The following SEC23B variants were observed in gnomAD, a reference collection of about 807,000 sequenced individuals.
The protein encoded by SEC23B is protein transport protein Sec23B.
A neutral mutation model predicts 104.3 loss-of-function variants in SEC23B; 77 were observed. The observed-to-expected ratio is 0.74, with a 90% CI of 0.61 to 0.89. The LOEUF (loss-of-function observed/expected upper bound fraction) is 0.89. Among genes scored for constraint, SEC23B ranks in the 40% least tolerant of loss-of-function variants. The probability of loss-of-function intolerance (pLI) is 0.00; values close to 1 mark genes in which losing one functional copy is unlikely to be tolerated. For synonymous variants in SEC23B, 338 were observed against 332.5 expected (o/e 1.02, Z -0.18); for missense variants, 885 against 949.4 (o/e 0.93, Z 0.89).
Position 18,527,399 on chromosome 20 carries a change from T to G in SEC23B, c.994-97T>G, listed in dbSNP as rs2060143246. 10 of 804,836 alleles carry G rather than the reference T, an allele frequency of 1.2e-5. No homozygotes were observed. The South Asian group carries it at 1.3e-4, about 11-fold the overall frequency. 49.9% of individuals were successfully genotyped at this position (804,836 alleles called of 1,614,324 possible). ...TCACAAAAAGAGAAAAGAAAATGAT[T>G]TACATGTTTTTATATTTGATTACCT... On this transcript the variant is annotated intron_variant, in intron 8 of 19. Coordinates refer to ENST00000650089, the MANE Select transcript of SEC23B (RefSeq NM_006363.6).
At chr20:18,513,520 A>G (rs181431327) in intron 3 of SEC23B, among the ~76,000 whole-genome samples, 40 of 152,352 alleles carry the variant, frequency 2.6e-4, no homozygotes, top group Admixed American at 2.2e-3. Context: ...TGTGTCCAGC[A>G]TAGTGTACAC....
intron 19 of SEC23B, among the ~76,000 whole-genome samples, chr20:18,559,283 C>T (rs2060470961): frequency 6.6e-6 from 1 of 152,124 alleles, no homozygotes; most frequent in Admixed American, 6.5e-5. Context: ...GGTGAAAGTC[C>T]TGACCCTCCT....
chr20:18,551,069 TTCTCTC>T lies in SEC23B; in HGVS notation c.1906-16_1906-11del. 2 of 1,547,286 alleles carry T rather than the reference TTCTCTC, an allele frequency of 1.3e-6. No homozygotes were observed. Among genetic ancestry groups the T allele is most frequent in the Non-Finnish European group, 1.8e-6 (2 of 1,127,334 alleles). Reference sequence around the variant, plus strand: ...GGAGCAGGGAAGACCAATGCCATCTTTCTCTCTCTTTTTCTTCAGCCAGTACTCTTG... The same window carrying T: ...GGAGCAGGGAAGACCAATGCCATCTTTCTTTTTCTTCAGCCAGTACTCTTG... On this transcript the variant is annotated splice_polypyrimidine_tract_variant and intron_variant, in intron 16 of 19. Transcript: ENST00000650089.
intron 4 of SEC23B, among the ~76,000 whole-genome samples, chr20:18,521,301 G>A (rs2060081724): frequency 6.6e-6 from 1 of 152,160 alleles, no homozygotes; most frequent in Non-Finnish European, 1.5e-5. Flanking sequence ...TTTTTCTAAT[G>A]TCAGGAGTGG....
intron 15 of SEC23B, among the ~76,000 whole-genome samples, chr20:18,546,845 G>A (rs958208905): frequency 6.6e-5 from 10 of 151,214 alleles, no homozygotes; most frequent in African/African-American, 1.9e-4. Context: ...CCAAAGCCCC[G>A]TAGAGTTTGG....
At chr20:18,510,312 C>T (rs1229060972) in intron 1 of SEC23B, among the ~76,000 whole-genome samples, 2 of 152,136 alleles carry the variant, frequency 1.3e-5, no homozygotes, top group Non-Finnish European at 2.9e-5. Flanking sequence ...GATTGTAAAC[C>T]TCCCACTCCT....
chr20:18,524,718 A>G (rs2148898228), intron 5 of SEC23B, 49 bp downstream of exon 5: 3 of 1,479,074 alleles, frequency 2.0e-6, no homozygotes, highest in Middle Eastern at 1.7e-4. Context: ...TTTTTTTAAA[A>G]GAGACTGGGG....
intron 9 of SEC23B, among the ~76,000 whole-genome samples, chr20:18,529,017 C>CATTG (rs2060158475): frequency 6.6e-6 from 1 of 152,218 alleles, no homozygotes. Context: ...TATCCAAATA[C>CATTG]ATTGTTTTCT....
At position 18,533,019 on chromosome 20, in the gene SEC23B, C is replaced by T. The variant is rs150490596; in HGVS notation, c.1314+275C>T. ...GGAGTTAGAGCCCAGGTGCCCCTGA[C>T]TCCACCACCCATGGTCGTTGTGCCA... On this transcript the variant is annotated intron_variant, in intron 11 of 19. Coordinates refer to ENST00000650089, the MANE Select transcript of SEC23B (RefSeq NM_006363.6). Among the ~76,000 whole-genome samples the T allele has an allele frequency of 5.1e-4, 78 of 152,366 alleles. 1 individual carries two copies. The East Asian group carries it at 0.015, about 29-fold the overall frequency.
intron 10 of SEC23B, 83 bp downstream of exon 10, chr20:18,530,886 C>A: frequency 8.8e-7 from 1 of 1,142,450 alleles, no homozygotes; most frequent in Non-Finnish European, 1.3e-6. Flanking sequence ...AGGCAATTTT[C>A]CCGCCTCAGC....
chr20:18,546,129 TG>T (rs1163753953), intron 15 of SEC23B, 96 bp downstream of exon 15: 2 of 781,634 alleles, frequency 2.6e-6, no homozygotes, highest in African/African-American at 3.4e-5. Flanking sequence ...TTTAATGTGT[TG>T]AGACTCAGTC....
chr20:18,510,737 A>G lies in SEC23B; in HGVS notation c.-14-85A>G, dbSNP rs1204404760. ...GCTGAGATGGGAAAAAAAGAGAAAC[A>G]CTGTGTTACATGACCCATCTTCTTT... On this transcript the variant is annotated intron_variant, in intron 1 of 19. Coordinates refer to ENST00000650089, the MANE Select transcript of SEC23B (RefSeq NM_006363.6). The G allele has an allele frequency of 4.8e-6, 5 of 1,039,562 alleles. No homozygotes were observed. In the East Asian group the frequency reaches 7.4e-5, roughly 15 times the overall value. 64.4% of individuals were successfully genotyped at this position (1,039,562 alleles called of 1,614,324 possible). A position where few individuals can be genotyped will look rare whatever the true frequency, so the allele number is the denominator to read the frequency against.
intron 4 of SEC23B, among the ~76,000 whole-genome samples, chr20:18,522,648 C>T (rs1296015575): frequency 6.6e-6 from 1 of 152,100 alleles, no homozygotes; most frequent in Non-Finnish European, 1.5e-5. Context: ...CACCAAATAT[C>T]TCACGTGTCC....
At chr20:18,522,127 G>A (rs1195976928) in intron 4 of SEC23B, among the ~76,000 whole-genome samples, 1 of 152,166 alleles carries the variant, frequency 6.6e-6, no homozygotes, top group African/African-American at 2.4e-5. Context: ...AAGGAGGTAA[G>A]TTTAAAGAGA....
chr20:18,513,774 C>G (rs1361845737), intron 3 of SEC23B, among the ~76,000 whole-genome samples: 1 of 152,148 alleles, frequency 6.6e-6, no homozygotes, highest in African/African-American at 2.4e-5. Context: ...GGATTAATGT[C>G]TTTGTTTAAT....
Position 18,510,943 on chromosome 20 carries a change from A to T in SEC23B, c.108A>T (p.Val36=). ...SSRLEATRMV[V]PLACLLTPLK... is the part of the protein sequence containing the mutation. Reference sequence around the variant, plus strand: ...GGCTGGAGGCTACAAGAATGGTTGTACCCCTGGCTTGTCTCCTTACTCCTT... The same window carrying T: ...GGCTGGAGGCTACAAGAATGGTTGTTCCCCTGGCTTGTCTCCTTACTCCTT... The change falls in exon 2 of 20, where the codon GTA becomes GTT. Residue 36 remains valine (V), a synonymous_variant. Coordinates refer to ENST00000650089, the MANE Select transcript of SEC23B (RefSeq NM_006363.6). 1 of 1,614,048 alleles carries T rather than the reference A, an allele frequency of 6.2e-7. No homozygotes were observed. Among genetic ancestry groups the T allele is most frequent in the Non-Finnish European group, 8.5e-7 (1 of 1,179,942 alleles).
chr20:18,512,366 T>C (rs997066564), intron 3 of SEC23B, 84 bp downstream of exon 3: 3 of 847,646 alleles, frequency 3.5e-6, no homozygotes, highest in African/African-American at 3.4e-5. Flanking sequence ...AATTTGTGTT[T>C]ACACTGGCAG....
In SEC23B at chr20:18,526,057, C is replaced by T. The variant is rs969498553; in HGVS notation, c.834+125C>T. 2.2e-5 allele frequency: 25 copies of T among 1,140,640 alleles called. No homozygotes were observed. The Admixed American group carries it at 4.9e-4, about 22-fold the overall frequency. The allele number at this position is 1,140,640 out of a possible 1,614,324, so 70.7% of individuals were successfully genotyped here. On this transcript the variant is annotated intron_variant, in intron 7 of 19. Transcript: ENST00000650089. ...CCGTCTGTGTTAATGTATCAGAAAG[C>T]ATTTGAGGCATCATTATCATTCACG...
chr20:18,524,746 G>GGGCTACAGGCTCT, intron 5 of SEC23B, 77 bp downstream of exon 5: 2 of 1,346,740 alleles, frequency 1.5e-6, no homozygotes, highest in Non-Finnish European at 2.1e-6. Context: ...AAAAGAGCCT[G>GGGCTACAGGCTCT]TAGCCCAGGC....
Sources: allele counts gnomAD v4.1 joint callset (sites outside exome capture counted in the v4.1 genomes callset), GRCh38; gene constraint gnomAD v4.1.1; transcripts MANE v1.5; gene names NCBI Gene and HGNC (gene_info 2026-07-23, HGNC 2026-07-21).